Variants in PRELID2 observed in about 807,000 individuals in gnomAD.
The protein encoded by PRELID2 is PRELI domain containing 2.
PRELID2 carries 25 observed loss-of-function variants against 28.4 expected under a neutral mutation model. The ratio of observed to expected loss-of-function variants is 0.88; its 90% CI spans 0.64 to 1.23. The LOEUF is 1.23. PRELID2 is among the 50% of genes most tolerant of loss of function. PRELID2 has a pLI of 0.00. For missense variants in PRELID2, 201 were observed against 214.4 expected (o/e 0.94, Z 0.39); for synonymous variants, 76 against 71.6 (o/e 1.06, Z -0.31).
At chr5:145,735,532 A>G (rs945831592) in intron 1 of PRELID2, among the ~76,000 whole-genome samples, 2 of 152,228 alleles carry the variant, frequency 1.3e-5, no homozygotes, top group Admixed American at 6.5e-5. Flanking sequence ...AAGTATACAG[A>G]TATTTCATGA....
chr5:145,444,361 G>A, the PRELID2 span, among the ~76,000 whole-genome samples: 1 of 151,990 alleles, frequency 6.6e-6, no homozygotes, highest in Non-Finnish European at 1.5e-5. Context: ...TGCTTGAAGA[G>A]AATTCCCCAT....
the PRELID2 span, among the ~76,000 whole-genome samples, chr5:145,466,096 T>C: frequency 4.6e-5 from 7 of 151,806 alleles, no homozygotes; most frequent in Non-Finnish European, 1.0e-4. Context: ...AATAAGTTAG[T>C]CATTAAAGAC....
At chr5:145,342,445 A>G in the PRELID2 span, among the ~76,000 whole-genome samples, 1 of 152,174 alleles carries the variant, frequency 6.6e-6, no homozygotes, top group East Asian at 1.9e-4. Flanking sequence ...TGAAACAACC[A>G]GTAAACAATT....
the PRELID2 span, among the ~76,000 whole-genome samples, chr5:145,393,866 A>C: frequency 6.6e-6 from 1 of 152,196 alleles, no homozygotes; most frequent in Non-Finnish European, 1.5e-5. Context: ...AATTCTGTGC[A>C]TTGTGTTTGT....
chr5:145,553,992 T>C (rs191615749), intron 1 of PRELID2, among the ~76,000 whole-genome samples: 32 of 152,146 alleles, frequency 2.1e-4, no homozygotes, highest in Admixed American at 1.6e-3. Flanking sequence ...CTTTAATAAA[T>C]AAAGATCAGA....
chr5:145,502,296 C>T (rs968972787), intron 1 of PRELID2, among the ~76,000 whole-genome samples: 2 of 152,038 alleles, frequency 1.3e-5, no homozygotes, highest in African/African-American at 4.8e-5. Flanking sequence ...ATAACTCACT[C>T]CCTATCATGA....
At chr5:145,756,197 G>A (rs1409364290), downstream of PRELID2, among the ~76,000 whole-genome samples, 1 of 152,156 alleles carries the variant, frequency 6.6e-6, no homozygotes, top group Non-Finnish European at 1.5e-5. Flanking sequence ...CTCACCTTGA[G>A]GGAAGGCAGG....
Position 145,758,825 on chromosome 5 carries a change from A to C in PRELID2, c.*1711T>G, listed in dbSNP as rs1228521922. 6.6e-6 allele frequency among the ~76,000 whole-genome samples: 1 copy of C among 152,138 alleles called. No individual in the cohort carries two copies. The highest frequency in any genetic ancestry group is 1.5e-5 in the Non-Finnish European group (1 of 68,032). ...ACTATGAAGCTGAAAAGAAATTAAG[A>C]GACAAAATTCAGGCAGCACAAAGAG... On this transcript the variant is annotated 3_prime_UTR_variant, in exon 7 of 7. Transcript: ENST00000683046.
the PRELID2 span, among the ~76,000 whole-genome samples, chr5:145,306,047 A>G: frequency 6.6e-6 from 1 of 152,202 alleles, no homozygotes; most frequent in Admixed American, 6.5e-5. Flanking sequence ...CTTGCACGAC[A>G]AACTATTCCT....
chr5:145,229,637 CCAGA>C, the PRELID2 span: 5 of 954,016 alleles, frequency 5.2e-6, no homozygotes, highest in Non-Finnish European at 5.0e-6. Context: ...AACATCTTCA[CCAGA>C]CAAAGGCCCA....
chr5:145,229,755 G>T, the PRELID2 span: 3 of 754,248 alleles, frequency 4.0e-6, no homozygotes, highest in East Asian at 7.4e-5. Flanking sequence ...TCAAGGCCTG[G>T]GCTTGAAATT....
intron 1 of PRELID2, among the ~76,000 whole-genome samples, chr5:145,532,920 A>G (rs749459310): frequency 6.6e-6 from 1 of 152,092 alleles, no homozygotes; most frequent in Non-Finnish European, 1.5e-5. Flanking sequence ...GGTGCATTAA[A>G]CATAGAATTG....
chr5:145,269,126 C>T, the PRELID2 span, among the ~76,000 whole-genome samples: 18 of 152,200 alleles, frequency 1.2e-4, no homozygotes, highest in African/African-American at 4.1e-4. Context: ...TACATTCATA[C>T]AATCCCAATC....
intron 1 of PRELID2, among the ~76,000 whole-genome samples, chr5:145,528,716 CACACACACACAGAGAGAG>C (rs1445876253): frequency 2.2e-5 from 3 of 133,406 alleles, no homozygotes; most frequent in African/African-American, 8.8e-5. Context: ...CACACACACA[CACACACACACAGAGAGAG>C]AGAGAGAGAG....
At chr5:145,713,094 T>C (rs893540859) in intron 1 of PRELID2, among the ~76,000 whole-genome samples, 1 of 149,740 alleles carries the variant, frequency 6.7e-6, no homozygotes, top group African/African-American at 2.5e-5. Flanking sequence ...ATAACTGGAG[T>C]TCCAGACAGA....
chr5:145,781,378 A>T (rs1751576630), intron 5 of PRELID2, among the ~76,000 whole-genome samples: 1 of 152,082 alleles, frequency 6.6e-6, no homozygotes, highest in Non-Finnish European at 1.5e-5. Context: ...CTCAGCTGAT[A>T]TGTCTGAATG....
chr5:145,459,890 A>G, the PRELID2 span, among the ~76,000 whole-genome samples: 1 of 151,154 alleles, frequency 6.6e-6, no homozygotes, highest in Non-Finnish European at 1.5e-5. Flanking sequence ...GCTCACCACA[A>G]CCTCCAACTC....
At chr5:145,463,622 A>G in the PRELID2 span, among the ~76,000 whole-genome samples, 2 of 152,182 alleles carry the variant, frequency 1.3e-5, no homozygotes, top group East Asian at 1.9e-4. Flanking sequence ...ACAAATGAAA[A>G]TCACTGTCTA....
chr5:145,426,678 A>G, the PRELID2 span, among the ~76,000 whole-genome samples: 3 of 152,090 alleles, frequency 2.0e-5, no homozygotes, highest in East Asian at 5.8e-4. Context: ...TGGGATTGCT[A>G]TTTTACAGGT....
Sources: allele counts gnomAD v4.1 joint callset (sites outside exome capture counted in the v4.1 genomes callset), GRCh38; gene constraint gnomAD v4.1.1; transcripts MANE v1.5; gene names NCBI Gene and HGNC (gene_info 2026-07-23, HGNC 2026-07-21).